The following ZNF570 variants were observed in gnomAD, a reference collection of about 807,000 sequenced individuals.
The protein encoded by ZNF570 is zinc finger protein 570.
A neutral mutation model predicts 14.2 loss-of-function variants in ZNF570; 8 were observed. The ratio of observed to expected loss-of-function variants is 0.56; its 90% CI spans 0.33 to 1.02. The LOEUF is 1.02. Among genes scored for constraint, ZNF570 ranks in the 50% least tolerant of loss-of-function variants. The pLI is 0.03. For missense variants in ZNF570, 559 were observed against 624.9 expected, an observed-to-expected ratio of 0.89 and a Z score of 1.12; for synonymous variants, 202 against 207.6, an observed-to-expected ratio of 0.97 and a Z score of 0.23.
At chr19:37,481,062 T>A (rs1043758699) in intron 4 of ZNF570, among the ~76,000 whole-genome samples, 23 of 152,180 alleles carry the variant, frequency 1.5e-4, no homozygotes, top group Admixed American at 1.2e-3. Context: ...ATACTATTCA[T>A]ATCAACTTTT....
Position 37,484,457 on chromosome 19 carries a change from T to A in ZNF570, c.835T>A (p.Cys279Ser). Residue 279 changes from cysteine to serine, a missense_variant, in exon 5 of 5, where the codon TGT (cysteine) becomes AGT (serine). By Grantham distance (112) the Cys-to-Ser change is moderately radical (BLOSUM62 -1). Coordinates refer to ENST00000330173, the MANE Select transcript of ZNF570 (RefSeq NM_144694.5). Reference sequence around the variant, plus strand: ...AGAAAAACCCTATGAATGTAAGGAATGTAGGAAAGCCTTCAGTCAGAATGC... The same window carrying A: ...AGAAAAACCCTATGAATGTAAGGAAAGTAGGAAAGCCTTCAGTCAGAATGC... ...TGEKPYECKECRKAFSQNAHL... is the reference protein window; with the variant it reads ...TGEKPYECKESRKAFSQNAHL... The A allele has an allele frequency of 1.2e-6, 2 of 1,614,062 alleles. No individual in the cohort carries two copies. Among genetic ancestry groups the A allele is most frequent in the East Asian group, 4.5e-5 (2 of 44,876 alleles).
At chr19:37,476,671 C>CCTTCATA in intron 4 of ZNF570, among the ~76,000 whole-genome samples, 1 of 150,774 alleles carries the variant, frequency 6.6e-6, no homozygotes, top group African/African-American at 2.4e-5. Flanking sequence ...ATAAGCCTCT[C>CCTTCATA]AGTCTTTAAA....
intron 2 of ZNF570, among the ~76,000 whole-genome samples, chr19:37,475,382 T>TGATGC (rs2147008982): frequency 6.6e-6 from 1 of 152,340 alleles, no homozygotes; most frequent in South Asian, 2.1e-4. Context: ...TTAATGGAAT[T>TGATGC]GATGCTCTGC....
upstream of ZNF570, chr19:37,467,990 G>C (rs1354903592): frequency 2.0e-6 from 3 of 1,498,076 alleles, no homozygotes; most frequent in Admixed American, 5.9e-5. Flanking sequence ...AGTGTGGCCA[G>C]ACCGCCTGAC....
intron 4 of ZNF570, among the ~76,000 whole-genome samples, chr19:37,478,513 C>G (rs879486493): frequency 0.025 from 3,715 of 149,454 alleles, 96 homozygotes; most frequent in Non-Finnish European, 0.037. Flanking sequence ...GTAGTTTCTT[C>G]ATTTTCAATT....
intron 2 of ZNF570, among the ~76,000 whole-genome samples, chr19:37,470,784 C>T (rs1703347771): frequency 7.1e-6 from 1 of 141,844 alleles, no homozygotes; most frequent in Non-Finnish European, 1.5e-5. Context: ...ACGGCAACAT[C>T]CACCTCCTGG....
chr19:37,486,937 C>T lies in ZNF570; in HGVS notation c.*1704C>T, dbSNP rs554002659. 4 of 152,328 alleles carry T rather than the reference C, an allele frequency of 2.6e-5. No individual in the cohort carries two copies. Among genetic ancestry groups the T allele is most frequent in the African/African-American group, 7.2e-5 (3 of 41,560 alleles). 9.4% of individuals were successfully genotyped at this position (152,328 alleles called of 1,614,324 possible). A position where few individuals can be genotyped will look rare whatever the true frequency, so the allele number is the denominator to read the frequency against. On this transcript the variant is annotated 3_prime_UTR_variant, in exon 5 of 5. Coordinates refer to ENST00000330173, the MANE Select transcript of ZNF570 (RefSeq NM_144694.5). ...ACCACACCCTGGCCAGGTGCAGTAG[C>T]TCATTCCTGTAATCCCAGCACTTTG...
At chr19:37,469,298 C>G, upstream of ZNF570, 1 of 1,417,476 alleles carries the variant, frequency 7.1e-7, no homozygotes, top group Non-Finnish European at 9.2e-7. Context: ...CCAGCGGACC[C>G]CGCGGGAGTT....
upstream of ZNF570, chr19:37,467,787 G>C (rs1406807905): frequency 1.7e-6 from 2 of 1,207,658 alleles, no homozygotes; most frequent in Non-Finnish European, 2.4e-6. Flanking sequence ...ACCCTGTCCA[G>C]TGACATCTGA....
At position 37,469,371 on chromosome 19, in the gene ZNF570, C is replaced by A; in HGVS notation, c.-238C>A. 7.0e-7 allele frequency: 1 copy of A among 1,435,872 alleles called. No homozygotes were observed. Among genetic ancestry groups the A allele is most frequent in the Non-Finnish European group, 9.2e-7 (1 of 1,091,788 alleles). The allele number at this position is 1,435,872 out of a possible 1,614,324, so 88.9% of individuals were successfully genotyped here. A position where few individuals can be genotyped will look rare whatever the true frequency, so the allele number is the denominator to read the frequency against. On this transcript the variant is annotated 5_prime_UTR_variant, in exon 1 of 5. Coordinates refer to ENST00000330173, the MANE Select transcript of ZNF570 (RefSeq NM_144694.5). ...CAGCTGAGGCGCTTCTTTCCGGGCC[C>A]GTAAGGGCTGGGTTCCATCCAACTA...
chr19:37,473,875 A>G (rs562005209), intron 2 of ZNF570, among the ~76,000 whole-genome samples: 1 of 152,354 alleles, frequency 6.6e-6, no homozygotes, highest in East Asian at 1.9e-4. Context: ...GTAGATATAT[A>G]TCACAAGGAG....
rs1019110618 is a variant in ZNF570, at chr19:37,488,403, A to G, written c.*3170A>G. 1 of 152,234 alleles carries G rather than the reference A, an allele frequency of 6.6e-6. No homozygotes were observed. The highest frequency in any genetic ancestry group is 1.9e-4 in the East Asian group (1 of 5,204). 9.4% of individuals were successfully genotyped at this position (152,234 alleles called of 1,614,324 possible). ...AAATACTATATAAAAAGGATCTAAA[A>G]GAATTAATAAAATAATCATCAGATT... is the stretch of plus-strand genomic sequence containing the variant. On this transcript the variant is annotated 3_prime_UTR_variant, in exon 5 of 5. Coordinates refer to ENST00000330173, the MANE Select transcript of ZNF570 (RefSeq NM_144694.5).
At position 37,486,115 on chromosome 19, in the gene ZNF570, C is replaced by G. The variant is rs1360320985; in HGVS notation, c.*882C>G. 1.5e-5 allele frequency: 2 copies of G among 137,706 alleles called. No homozygotes were observed. Among genetic ancestry groups the G allele is most frequent in the Non-Finnish European group, 1.6e-5 (1 of 63,232 alleles). 8.5% of individuals were successfully genotyped at this position (137,706 alleles called of 1,614,324 possible). A position where few individuals can be genotyped will look rare whatever the true frequency, so the allele number is the denominator to read the frequency against. On this transcript the variant is annotated 3_prime_UTR_variant, in exon 5 of 5. Transcript: ENST00000330173. The stretch of plus-strand genomic sequence containing the variant: ...AGTTAAAACTTTTTTTTTTTTTTTG[C>G]TTGTTATTGTTCTTAGACTAATATT...
chr19:37,479,017 C>G (rs1222961672), intron 4 of ZNF570, among the ~76,000 whole-genome samples: 2 of 150,916 alleles, frequency 1.3e-5, no homozygotes, highest in African/African-American at 4.8e-5. Flanking sequence ...TTCTCTTTTT[C>G]TTCTTTAGAA....
chr19:37,474,553 G>A (rs369061481), intron 2 of ZNF570, among the ~76,000 whole-genome samples: 3 of 152,150 alleles, frequency 2.0e-5, no homozygotes, highest in Non-Finnish European at 2.9e-5. Flanking sequence ...TCTGCCTCCC[G>A]GATTCAAGCG....
chr19:37,485,819 G>C lies in ZNF570; in HGVS notation c.*586G>C, dbSNP rs1242874150. 6.6e-6 allele frequency: 1 copy of C among 152,162 alleles called. No homozygotes were observed. Among genetic ancestry groups the C allele is most frequent in the Admixed American group, 6.5e-5 (1 of 15,288 alleles). The allele number at this position is 152,162 out of a possible 1,614,324, so 9.4% of individuals were successfully genotyped here. ...GCGCTTTGGGAGGCCAAGGCAGGCA[G>C]ATCACCCAAGGTCAGGAGTTTGAGA... On this transcript the variant is annotated 3_prime_UTR_variant, in exon 5 of 5. Coordinates refer to ENST00000330173, the MANE Select transcript of ZNF570 (RefSeq NM_144694.5).
At chr19:37,478,616 G>C (rs537566744) in intron 4 of ZNF570, among the ~76,000 whole-genome samples, 22 of 146,030 alleles carry the variant, frequency 1.5e-4, no homozygotes, top group Non-Finnish European at 2.6e-4. Flanking sequence ...GTCCACTTCC[G>C]GTCTTAATAA....
rs778099195 is a variant in ZNF570, at chr19:37,484,229, T to G, written c.607T>G (p.Leu203Val). 5 of 1,613,816 alleles carry G rather than the reference T, an allele frequency of 3.1e-6. No homozygotes were observed. Among genetic ancestry groups the G allele is most frequent in the African/African-American group, 1.3e-5 (1 of 74,916 alleles). ...DTQKRSFKKN[L>V]MAIKPKSVCA... ...ACAAAAGAGAAGCTTTAAAAAAAATTTAATGGCTATTAAGCCCAAGAGTGT... is the reference window on the plus strand; with the variant it reads ...ACAAAAGAGAAGCTTTAAAAAAAATGTAATGGCTATTAAGCCCAAGAGTGT... The change falls in exon 5 of 5, where the codon TTA becomes GTA. Residue 203 changes from leucine (L) to valine (V), a missense_variant. Coordinates refer to ENST00000330173, the MANE Select transcript of ZNF570 (RefSeq NM_144694.5).
At chr19:37,476,291 A>G in intron 3 of ZNF570, 48 bp from the exon 4 acceptor site, 1 of 1,600,540 alleles carries the variant, frequency 6.2e-7, no homozygotes, top group South Asian at 1.1e-5. Flanking sequence ...TGAGTTCTGG[A>G]ATATCCACAG....
Sources: gnomAD v4.1 joint callset for allele counts (sites outside exome capture counted in the v4.1 genomes callset) on GRCh38, gnomAD v4.1.1 for gene constraint, MANE v1.5 for transcripts, NCBI Gene and HGNC (gene_info 2026-07-23, HGNC 2026-07-21) for gene names.